Variants in LGSN observed in about 807,000 individuals in gnomAD.
The protein encoded by LGSN is lengsin.
Under a neutral mutation model 19.5 loss-of-function variants are expected in LGSN, and 21 were observed. The ratio of observed to expected loss-of-function variants is 1.07; its 90% CI spans 0.76 to 1.55. LGSN has a LOEUF of 1.55. Ranked by LOEUF, LGSN falls within the 40% of genes most tolerant of loss-of-function variation. The pLI is 0.00. For missense variants in LGSN, 673 were observed against 608.5 expected (o/e 1.11, Z -1.12); for synonymous variants, 257 against 215.6 (o/e 1.19, Z -1.68).
At chr6:63,560,972 A>G in the LGSN span, among the ~76,000 whole-genome samples, 33 of 152,346 alleles carry the variant, frequency 2.2e-4, no homozygotes, top group East Asian at 3.9e-4. Flanking sequence ...CACTTTTACT[A>G]AACTCATGGA....
At chr6:63,302,929 C>A (rs1236780375) in intron 1 of LGSN, among the ~76,000 whole-genome samples, 1 of 151,972 alleles carries the variant, frequency 6.6e-6, no homozygotes, top group Non-Finnish European at 1.5e-5. Context: ...GAGTTCGAGT[C>A]CAGCCTGGCC....
At chr6:63,543,001 G>C in the LGSN span, among the ~76,000 whole-genome samples, 1 of 152,114 alleles carries the variant, frequency 6.6e-6, no homozygotes, top group Non-Finnish European at 1.5e-5. Context: ...ATTTAGAATA[G>C]TATAATGAGT....
the LGSN span, among the ~76,000 whole-genome samples, chr6:63,454,818 G>A: frequency 2.2e-5 from 2 of 90,390 alleles, no homozygotes; most frequent in African/African-American, 9.0e-5. Flanking sequence ...TTTTTGAGAC[G>A]GAGTCTTTGT....
In LGSN at chr6:63,276,966, C is replaced by A. The variant is rs1767121753; in HGVS notation, c.*3055G>T. 6.6e-6 allele frequency: 1 copy of A among 152,162 alleles called. No individual in the cohort carries two copies. Among genetic ancestry groups the A allele is most frequent in the African/African-American group, 2.4e-5 (1 of 41,436 alleles). The allele number at this position is 152,162 out of a possible 1,614,324, so 9.4% of individuals were successfully genotyped here. A position where few individuals can be genotyped will look rare whatever the true frequency, so the allele number is the denominator to read the frequency against. On this transcript the variant is annotated 3_prime_UTR_variant, in exon 4 of 4. Transcript: ENST00000370657. ...CCTCTTTTTGGGTTGCCTTAAAGAA[C>A]AAGAATATACATCAGCACACACCTA...
At chr6:63,317,305 T>C (rs1363018875) in intron 1 of LGSN, among the ~76,000 whole-genome samples, 4 of 152,206 alleles carry the variant, frequency 2.6e-5, no homozygotes, top group African/African-American at 9.6e-5. Flanking sequence ...GTAGGCACTA[T>C]TAATGTCCCA....
At chr6:63,391,254 T>G in the LGSN span, among the ~76,000 whole-genome samples, 1 of 152,232 alleles carries the variant, frequency 6.6e-6, no homozygotes, top group East Asian at 1.9e-4. Flanking sequence ...CATGACATTT[T>G]CAAGTTATCT....
At chr6:63,505,647 CTT>C in the LGSN span, among the ~76,000 whole-genome samples, 6 of 72,074 alleles carry the variant, frequency 8.3e-5, 1 homozygote, top group African/African-American at 4.3e-4. Flanking sequence ...TTCTGGCATT[CTT>C]TTTTGTTTTG....
the LGSN span, chr6:63,571,388 AGGTCCTGTTT>A: frequency 6.6e-6 from 1 of 152,200 alleles, no homozygotes; most frequent in Non-Finnish European, 1.5e-5. Flanking sequence ...AAGCAGGTAA[AGGTCCTGTTT>A]GGTCCTTCTC....
At chr6:63,535,998 C>T in the LGSN span, among the ~76,000 whole-genome samples, 130 of 151,310 alleles carry the variant, frequency 8.6e-4, no homozygotes, top group African/African-American at 2.8e-3. Flanking sequence ...GCCTGGAACT[C>T]GTGACATCAG....
the LGSN span, among the ~76,000 whole-genome samples, chr6:63,380,880 G>GTTT: frequency 1.3e-5 from 2 of 151,984 alleles, no homozygotes; most frequent in Non-Finnish European, 2.9e-5. Context: ...TTTTTTTTCA[G>GTTT]TTAAGAGACA....
the LGSN span, among the ~76,000 whole-genome samples, chr6:63,561,668 T>C: frequency 6.6e-6 from 1 of 152,136 alleles, no homozygotes; most frequent in East Asian, 1.9e-4. Flanking sequence ...TTTCCAAACG[T>C]TTAGAGGTGA....
chr6:63,503,776 G>A, the LGSN span, among the ~76,000 whole-genome samples: 2 of 152,006 alleles, frequency 1.3e-5, no homozygotes, highest in Non-Finnish European at 2.9e-5. Flanking sequence ...ATTAGCCGGG[G>A]ACAGTGGCAC....
the LGSN span, among the ~76,000 whole-genome samples, chr6:63,431,657 T>A: frequency 7.2e-6 from 1 of 139,388 alleles, no homozygotes; most frequent in Non-Finnish European, 1.5e-5. Context: ...TTAAATTAGA[T>A]CATTTATGTT....
the LGSN span, among the ~76,000 whole-genome samples, chr6:63,353,683 G>A: frequency 6.7e-6 from 1 of 150,366 alleles, no homozygotes; most frequent in Admixed American, 6.6e-5. Context: ...AGCCTGAGTA[G>A]CCAAAGCAGT....
chr6:63,294,465 T>C (rs956563637), intron 2 of LGSN, among the ~76,000 whole-genome samples: 4 of 152,226 alleles, frequency 2.6e-5, no homozygotes, highest in African/African-American at 7.2e-5. Context: ...ATTCCTAGGA[T>C]TGAGCCTGTT....
intron 1 of LGSN, among the ~76,000 whole-genome samples, chr6:63,308,587 C>G (rs1054651129): frequency 2.7e-5 from 4 of 150,624 alleles, no homozygotes; most frequent in Non-Finnish European, 4.4e-5. Context: ...TTAATTTTCT[C>G]TAACAGTTAC....
chr6:63,359,080 A>G, the LGSN span, among the ~76,000 whole-genome samples: 1 of 152,128 alleles, frequency 6.6e-6, no homozygotes, highest in African/African-American at 2.4e-5. Flanking sequence ...TTCTGCATCT[A>G]TTGAGATAAT....
the LGSN span, among the ~76,000 whole-genome samples, chr6:63,362,781 CT>C: frequency 6.6e-6 from 1 of 152,232 alleles, no homozygotes; most frequent in Non-Finnish European, 1.5e-5. Context: ...CAGGGCATAG[CT>C]GAACAAAAGG....
the LGSN span, among the ~76,000 whole-genome samples, chr6:63,494,310 A>G: frequency 2.0e-5 from 3 of 152,306 alleles, no homozygotes; most frequent in East Asian, 3.9e-4. Context: ...AGCAGCCTAT[A>G]GCAGCTTATC....
Sources: allele counts gnomAD v4.1 joint callset (sites outside exome capture counted in the v4.1 genomes callset), GRCh38; gene constraint gnomAD v4.1.1; transcripts MANE v1.5; gene names NCBI Gene and HGNC (gene_info 2026-07-23, HGNC 2026-07-21).